FLRT2: variants seen among roughly 807,000 people sequenced by gnomAD.
FLRT2 encodes the protein fibronectin leucine rich transmembrane protein 2, also known as leucine-rich repeat transmembrane protein FLRT2.
Under a neutral mutation model 40.0 loss-of-function variants are expected in FLRT2, and 15 were observed. The ratio of observed to expected loss-of-function variants is 0.38; its 90% CI spans 0.25 to 0.58. The LOEUF is 0.58. Among genes scored for constraint, FLRT2 ranks in the 20% least tolerant of loss-of-function variants. The probability of loss-of-function intolerance (pLI) is 0.71; values close to 1 mark genes in which losing one functional copy is unlikely to be tolerated. For synonymous variants in FLRT2, 380 were observed against 336.8 expected (o/e 1.13, Z -1.41); for missense variants, 726 against 840.0 (o/e 0.86, Z 1.68).
chr14:85,610,311 C>G (rs900392627), intron 1 of FLRT2, among the ~76,000 whole-genome samples: 12 of 152,112 alleles, frequency 7.9e-5, no homozygotes. Context: ...AAGTTCAGAG[C>G]ATACTTTTCT....
intron 1 of FLRT2, among the ~76,000 whole-genome samples, chr14:85,607,226 G>A (rs914067435): frequency 1.1e-4 from 17 of 152,114 alleles, no homozygotes; most frequent in Non-Finnish European, 1.6e-4. Flanking sequence ...ATGGGGGATT[G>A]AGCAAGTTTT....
rs758103555 is a variant in FLRT2 at position 85,622,701 on chromosome 14, C to A, written c.1187C>A (p.Thr396Lys). 4 of 1,614,076 alleles carry A rather than the reference C, an allele frequency of 2.5e-6. No homozygotes were observed. The highest frequency in any genetic ancestry group is 1.7e-5 in the Admixed American group (1 of 60,020). ...ATTCCAAACCCTAGCAGAAGCTACACGCCTCCAACTCCTACCACATCGAAA... is the reference window on the plus strand; with the variant it reads ...ATTCCAAACCCTAGCAGAAGCTACAAGCCTCCAACTCCTACCACATCGAAA... ...LSIPNPSRSY[T>K]PPTPTTSKLP... Residue 396 changes from threonine (T) to lysine (K), a missense_variant, in exon 2 of 2, where the codon ACG becomes AAG. Thr to Lys is a moderately conservative substitution (Grantham distance 78). Transcript: ENST00000330753.
chr14:85,640,806 T>TA lies in FLRT2; in HGVS notation c.*17311dup, dbSNP rs79792681. Reference sequence around the variant, plus strand: ...AGAAACTGCCTCCTATTCACTCTCTTAATAGCTTGAGAGAATTGTACACAA... The same window carrying TA: ...AGAAACTGCCTCCTATTCACTCTCTTAAATAGCTTGAGAGAATTGTACACAA... On this transcript the variant is annotated 3_prime_UTR_variant, in exon 2 of 2. Transcript: ENST00000330753. The TA allele has an allele frequency of 1, 152,009 of 152,302 alleles. 75,866 individuals are homozygous for TA. Among genetic ancestry groups the TA allele is most frequent in the Middle Eastern group, 1 (294 of 294 alleles). 9.4% of individuals were successfully genotyped at this position (152,302 alleles called of 1,614,324 possible).
chr14:85,613,847 C>T (rs751129552), intron 1 of FLRT2, among the ~76,000 whole-genome samples: 14 of 152,102 alleles, frequency 9.2e-5, no homozygotes, highest in Non-Finnish European at 1.5e-5. Context: ...AATGTCTGCA[C>T]TTATTTTCAG....
chr14:85,609,447 GA>G (rs1892765911), intron 1 of FLRT2, among the ~76,000 whole-genome samples: 1 of 152,186 alleles, frequency 6.6e-6, no homozygotes, highest in South Asian at 2.1e-4. Context: ...GAGTTGGGGA[GA>G]TAGAACATTT....
chr14:85,559,978 C>T (rs1890206012), intron 1 of FLRT2, among the ~76,000 whole-genome samples: 1 of 152,170 alleles, frequency 6.6e-6, no homozygotes, highest in Non-Finnish European at 1.5e-5. Flanking sequence ...AGAGGCTTTG[C>T]CGGGTCCTCC....
At position 85,580,633 on chromosome 14, in the gene FLRT2, T is replaced by C. The variant is rs79150809; in HGVS notation, c.-376-40506T>C. 1.3e-3 allele frequency among the ~76,000 whole-genome samples: 197 copies of C among 152,272 alleles called. 7 individuals are homozygous for C. In the East Asian group the frequency reaches 0.032, roughly 25 times the overall value. On this transcript the variant is annotated intron_variant, in intron 1 of 1. Coordinates refer to ENST00000330753, the MANE Select transcript of FLRT2 (RefSeq NM_013231.6). ...CCAAAAGTGGAGTGAATTGCTGAAGTTTCTTGTGTACACTTATTAGGACAT... is the reference window on the plus strand; with the variant it reads ...CCAAAAGTGGAGTGAATTGCTGAAGCTTCTTGTGTACACTTATTAGGACAT...
chr14:85,610,509 A>G (rs867574929), intron 1 of FLRT2, among the ~76,000 whole-genome samples: 6 of 152,144 alleles, frequency 3.9e-5, no homozygotes, highest in Non-Finnish European at 8.8e-5. Context: ...AGCCATAAAG[A>G]TTTGCCTGTT....
chr14:85,556,524 C>G (rs1889973644), intron 1 of FLRT2, among the ~76,000 whole-genome samples: 1 of 152,176 alleles, frequency 6.6e-6, no homozygotes, highest in Admixed American at 6.5e-5. Context: ...GCAGGGCGCA[C>G]CTATGCCAAG....
intron 1 of FLRT2, among the ~76,000 whole-genome samples, chr14:85,581,053 G>A (rs1891364662): frequency 6.6e-6 from 1 of 152,070 alleles, no homozygotes; most frequent in Admixed American, 6.6e-5. Context: ...TCTTGCAACA[G>A]GCATTCGCTT....
At chr14:85,616,804 C>T (rs1893155909) in intron 1 of FLRT2, among the ~76,000 whole-genome samples, 1 of 152,184 alleles carries the variant, frequency 6.6e-6, no homozygotes, top group Non-Finnish European at 1.5e-5. Context: ...AACTTTTAAG[C>T]CTCATGAGCC....
intron 1 of FLRT2, among the ~76,000 whole-genome samples, chr14:85,536,513 A>G (rs978449939): frequency 6.6e-6 from 1 of 152,082 alleles, no homozygotes; most frequent in South Asian, 2.1e-4. Context: ...TCATCTTTTG[A>G]TATCTTTAAT....
At position 85,636,193 on chromosome 14, in the gene FLRT2, G is replaced by C. The variant is rs1893994218; in HGVS notation, c.*12696G>C. ...TGCAAGCAGATTAGTAAAATAATTT[G>C]TTTTAAAGTTAGTTTTAAATATTAT... On this transcript the variant is annotated 3_prime_UTR_variant, in exon 2 of 2. Coordinates refer to ENST00000330753, the MANE Select transcript of FLRT2 (RefSeq NM_013231.6). 2 of 151,884 alleles carry C rather than the reference G, an allele frequency of 1.3e-5. No individual in the cohort carries two copies. Among genetic ancestry groups the C allele is most frequent in the Admixed American group, 1.3e-4 (2 of 15,242 alleles). 9.4% of individuals were successfully genotyped at this position (151,884 alleles called of 1,614,324 possible). A position where few individuals can be genotyped will look rare whatever the true frequency, so the allele number is the denominator to read the frequency against.
intron 1 of FLRT2, among the ~76,000 whole-genome samples, chr14:85,533,622 AG>A (rs1888439747): frequency 6.6e-6 from 1 of 152,030 alleles, no homozygotes; most frequent in Non-Finnish European, 1.5e-5. Context: ...GGGGAGGCGG[AG>A]GAGGAGAGAA....
At chr14:85,531,809 C>T (rs907646178) in intron 1 of FLRT2, among the ~76,000 whole-genome samples, 4 of 152,330 alleles carry the variant, frequency 2.6e-5, no homozygotes, top group East Asian at 1.9e-4. Flanking sequence ...TTCCCAGCCA[C>T]CTTTGCATAA....
chr14:85,616,886 A>C (rs1312932365), intron 1 of FLRT2, among the ~76,000 whole-genome samples: 2 of 152,218 alleles, frequency 1.3e-5, no homozygotes, highest in East Asian at 3.8e-4. Flanking sequence ...TCAATAAATG[A>C]ATGGAAAGTA....
At chr14:85,566,968 C>T (rs1370939947) in intron 1 of FLRT2, among the ~76,000 whole-genome samples, 1 of 152,130 alleles carries the variant, frequency 6.6e-6, no homozygotes, top group East Asian at 1.9e-4. Context: ...AAGTAATCAA[C>T]ATAGTTTCCA....
chr14:85,554,933 C>T lies in FLRT2; in HGVS notation c.-377+24399C>T, dbSNP rs532543697. Among the ~76,000 whole-genome samples the T allele has an allele frequency of 8.5e-5, 13 of 152,170 alleles. No individual in the cohort carries two copies. The East Asian group carries it at 1.7e-3, about 20-fold the overall frequency. On this transcript the variant is annotated intron_variant, in intron 1 of 1. Coordinates refer to ENST00000330753, the MANE Select transcript of FLRT2 (RefSeq NM_013231.6). ...GGTGGCATCTGTCACATGCCACTTC[C>T]GCAGAATGCACTGATGTGGATTAAA... is the stretch of plus-strand genomic sequence containing the variant.
intron 1 of FLRT2, among the ~76,000 whole-genome samples, chr14:85,590,376 A>G (rs1003181833): frequency 6.6e-6 from 1 of 151,992 alleles, no homozygotes; most frequent in Admixed American, 6.6e-5. Flanking sequence ...CTGTTTTTTC[A>G]TCTGAGCATA....
Sources: gnomAD v4.1 joint callset for allele counts (sites outside exome capture counted in the v4.1 genomes callset) on GRCh38, gnomAD v4.1.1 for gene constraint, MANE v1.5 for transcripts, NCBI Gene and HGNC (gene_info 2026-07-23, HGNC 2026-07-21) for gene names.